The following ATRNL1 variants were observed in gnomAD, a reference collection of about 807,000 sequenced individuals.
ATRNL1 encodes attractin like 1, also known as attractin-like protein 1.
A neutral mutation model predicts 182.7 loss-of-function variants in ATRNL1; 95 were observed. The observed-to-expected ratio is 0.52, with a 90% CI of 0.44 to 0.62. The LOEUF (loss-of-function observed/expected upper bound fraction) is 0.62. Among genes scored for constraint, ATRNL1 ranks in the 20% least tolerant of loss-of-function variants. The pLI is 0.00. For missense variants in ATRNL1, 1,471 were observed against 1,679.5 expected (o/e 0.88, Z 2.17); for synonymous variants, 576 against 568.3 (o/e 1.01, Z -0.19).
chr10:115,501,533 T>C (rs1262421666), intron 24 of ATRNL1, among the ~76,000 whole-genome samples: 6 of 152,178 alleles, frequency 3.9e-5, no homozygotes, highest in Non-Finnish European at 8.8e-5. Flanking sequence ...TCTTCAGTCA[T>C]GTACTGTTAC....
At chr10:115,737,566 C>T (rs1248377043) in intron 27 of ATRNL1, among the ~76,000 whole-genome samples, 2 of 152,158 alleles carry the variant, frequency 1.3e-5, no homozygotes, top group Non-Finnish European at 2.9e-5. Context: ...CTTTGGATTG[C>T]CATTCCTCCT....
chr10:115,608,081 T>C (rs1254636039), intron 26 of ATRNL1, among the ~76,000 whole-genome samples: 1 of 152,030 alleles, frequency 6.6e-6, no homozygotes, highest in Non-Finnish European at 1.5e-5. Context: ...TAGCAATGCC[T>C]TTCCAATTAC....
At chr10:115,279,554 C>T (rs560790627) in intron 13 of ATRNL1, among the ~76,000 whole-genome samples, 1 of 152,136 alleles carries the variant, frequency 6.6e-6, no homozygotes, top group Non-Finnish European at 1.5e-5. Context: ...ACAACTTTAG[C>T]AAGAGAATTT....
At chr10:115,823,684 C>T (rs1427446899) in intron 27 of ATRNL1, among the ~76,000 whole-genome samples, 1 of 152,084 alleles carries the variant, frequency 6.6e-6, no homozygotes, top group Non-Finnish European at 1.5e-5. Context: ...ACAATTGCTA[C>T]AAAGAGAATG....
chr10:115,241,360 T>C (rs2133819259), intron 9 of ATRNL1, among the ~76,000 whole-genome samples: 1 of 151,866 alleles, frequency 6.6e-6, no homozygotes, highest in Non-Finnish European at 1.5e-5. Context: ...TTGTGTCTCC[T>C]CAAAGCATTT....
chr10:115,318,305 GGATTTTCACATC>G (rs1366616953), intron 18 of ATRNL1, among the ~76,000 whole-genome samples: 1 of 152,098 alleles, frequency 6.6e-6, no homozygotes, highest in African/African-American at 2.4e-5. Context: ...ATTTTATTGA[GGATTTTCACATC>G]GATATTCATC....
intron 27 of ATRNL1, among the ~76,000 whole-genome samples, chr10:115,829,166 AG>A (rs1319350010): frequency 4.6e-5 from 7 of 152,236 alleles, no homozygotes; most frequent in African/African-American, 1.7e-4. Context: ...ATAGCATTTG[AG>A]GGAAAAAAAA....
At chr10:115,631,412 A>C (rs1858500046) in intron 26 of ATRNL1, among the ~76,000 whole-genome samples, 1 of 152,118 alleles carries the variant, frequency 6.6e-6, no homozygotes, top group Admixed American at 6.5e-5. Context: ...GCCTTAAGAT[A>C]TTACACATGC....
chr10:115,239,526 C>T (rs762521423), intron 9 of ATRNL1, among the ~76,000 whole-genome samples: 12 of 152,206 alleles, frequency 7.9e-5, no homozygotes, highest in Non-Finnish European at 1.5e-4. Context: ...GCACCGCGCC[C>T]GGCCGGGGCT....
intron 20 of ATRNL1, among the ~76,000 whole-genome samples, chr10:115,407,277 T>C (rs1554958484): frequency 6.6e-6 from 1 of 152,162 alleles, no homozygotes; most frequent in African/African-American, 2.4e-5. Context: ...TATAATGTAT[T>C]ATTGTTAACT....
chr10:115,399,536 C>T (rs570485751), intron 20 of ATRNL1, among the ~76,000 whole-genome samples: 5 of 151,946 alleles, frequency 3.3e-5, no homozygotes, highest in Middle Eastern at 3.4e-3. Context: ...TTTCTGATTG[C>T]GTTTATTTGA....
At chr10:115,790,642 A>C (rs1048107503) in intron 27 of ATRNL1, among the ~76,000 whole-genome samples, 1 of 152,144 alleles carries the variant, frequency 6.6e-6, no homozygotes, top group South Asian at 2.1e-4. Flanking sequence ...ACTTAAAAAA[A>C]AAAAAAAACT....
intron 8 of ATRNL1, among the ~76,000 whole-genome samples, chr10:115,192,465 T>G (rs1445546404): frequency 6.6e-6 from 1 of 152,122 alleles, no homozygotes; most frequent in Non-Finnish European, 1.5e-5. Context: ...ATTTCTGTTT[T>G]TATGCCAGTA....
intron 1 of ATRNL1, among the ~76,000 whole-genome samples, chr10:115,112,457 A>G (rs1405850665): frequency 6.6e-6 from 1 of 152,204 alleles, no homozygotes; most frequent in Non-Finnish European, 1.5e-5. Context: ...ACAAACTCAT[A>G]CCAAATTGTT....
chr10:115,331,527 C>A (rs567083280), intron 18 of ATRNL1, among the ~76,000 whole-genome samples: 2 of 152,240 alleles, frequency 1.3e-5, no homozygotes, highest in South Asian at 4.1e-4. Context: ...TATTTTAATT[C>A]TTTGATTGCC....
intron 26 of ATRNL1, among the ~76,000 whole-genome samples, chr10:115,607,058 A>G (rs140747714): frequency 6.6e-6 from 1 of 152,146 alleles, no homozygotes; most frequent in African/African-American, 2.4e-5. Flanking sequence ...CTCAAGGTCA[A>G]AATGATGAAA....
intron 26 of ATRNL1, among the ~76,000 whole-genome samples, chr10:115,655,696 A>C (rs1860286767): frequency 6.6e-6 from 1 of 152,236 alleles, no homozygotes; most frequent in African/African-American, 2.4e-5. Flanking sequence ...ATATTAATGA[A>C]TAAAACTTAA....
rs551547229 is a variant in ATRNL1 at position 115,451,175 on chromosome 10, C to T, written c.3323-10766C>T. Among the ~76,000 whole-genome samples, 5 of 152,096 alleles carry T rather than the reference C, an allele frequency of 3.3e-5. No homozygotes were observed. The East Asian group carries it at 7.7e-4, about 23-fold the overall frequency. ...ACAAAACTATAAAAATCCTGGAAGA[C>T]AAACTAGGCAATGCCATCCTGGACA... On this transcript the variant is annotated intron_variant, in intron 21 of 28. Coordinates refer to ENST00000355044, the MANE Select transcript of ATRNL1 (RefSeq NM_207303.4).
At chr10:115,177,471 G>A (rs1381168500) in intron 8 of ATRNL1, among the ~76,000 whole-genome samples, 1 of 152,156 alleles carries the variant, frequency 6.6e-6, no homozygotes, top group African/African-American at 2.4e-5. Flanking sequence ...TTCTATTTGG[G>A]AAAGTGTAGG....
Sources: gnomAD v4.1 joint callset for allele counts (sites outside exome capture counted in the v4.1 genomes callset) on GRCh38, gnomAD v4.1.1 for gene constraint, MANE v1.5 for transcripts, NCBI Gene and HGNC (gene_info 2026-07-23, HGNC 2026-07-21) for gene names.